Variants in ITSN1 observed in about 807,000 individuals in gnomAD.
The protein encoded by ITSN1 is intersectin 1.
Under a neutral mutation model 239.8 loss-of-function variants are expected in ITSN1, and 58 were observed. The ratio of observed to expected loss-of-function variants is 0.24; its 90% CI spans 0.20 to 0.30. ITSN1 has a LOEUF of 0.30. ITSN1 is among the 10% of genes least tolerant of loss of function. The pLI is 1.00. For missense variants in ITSN1, 1,558 were observed against 2,103.3 expected, an observed-to-expected ratio of 0.74 and a Z score of 5.07; for synonymous variants, 780 against 770.8, an observed-to-expected ratio of 1.01 and a Z score of -0.20.
chr21:33,848,838 CT>C (rs978592660), intron 29 of ITSN1, among the ~76,000 whole-genome samples: 3 of 152,252 alleles, frequency 2.0e-5, no homozygotes, highest in African/African-American at 7.2e-5. Flanking sequence ...TCACCGCTGC[CT>C]GCCCCCTCAC....
intron 12 of ITSN1, 122 bp from the exon 13 acceptor site, chr21:33,774,607 T>C (rs955048280): frequency 4.5e-6 from 4 of 880,976 alleles, no homozygotes; most frequent in Non-Finnish European, 6.9e-6. Flanking sequence ...CTAATGTGAT[T>C]TCTTGTAATG....
chr21:33,856,915 AG>A, intron 30 of ITSN1, 58 bp downstream of exon 30: 7 of 1,532,802 alleles, frequency 4.6e-6, no homozygotes, highest in Non-Finnish European at 5.4e-6. Flanking sequence ...GGGAGAGGGG[AG>A]GGTTCCGTCA....
At chr21:33,838,591 C>T (rs530254181) in intron 29 of ITSN1, 10 of 309,932 alleles carry the variant, frequency 3.2e-5, no homozygotes, top group Middle Eastern at 1.7e-3. Flanking sequence ...CTGCTGCCCA[C>T]GTGTCAACCA....
At chr21:33,773,000 CTTTTTTTT>C (rs768551303) in intron 12 of ITSN1, among the ~76,000 whole-genome samples, 5 of 133,062 alleles carry the variant, frequency 3.8e-5, no homozygotes. Context: ...CTGCAATCTT[CTTTTTTTT>C]TTTTTTTTTT....
intron 26 of ITSN1, among the ~76,000 whole-genome samples, chr21:33,828,063 T>A (rs1307529452): frequency 2.0e-5 from 3 of 152,244 alleles, no homozygotes; most frequent in African/African-American, 4.8e-5. Flanking sequence ...TTTCTAAGTT[T>A]TGTACACTTG....
At chr21:33,701,938 G>T (rs2092030370) in intron 1 of ITSN1, among the ~76,000 whole-genome samples, 1 of 151,142 alleles carries the variant, frequency 6.6e-6, no homozygotes, top group African/African-American at 2.4e-5. Flanking sequence ...CGTGGTGGTG[G>T]GTGCCTATAA....
In ITSN1 at chr21:33,829,708, A is replaced by T. The variant is rs554932669; in HGVS notation, c.3314A>T (p.Lys1105Ile). 1 of 1,613,472 alleles carries T rather than the reference A, an allele frequency of 6.2e-7. No individual in the cohort carries two copies. Residue 1105 changes from lysine to isoleucine, a missense_variant, in exon 27 of 40, where the codon AAA (lysine) becomes ATA (isoleucine). By Grantham distance (102) the Lys-to-Ile change is moderately radical. This residue lies in a region of ITSN1 where 576 missense variants were observed against 893.3 expected (regional missense o/e 0.64). Coordinates refer to ENST00000381318, the MANE Select transcript of ITSN1 (RefSeq NM_003024.3). ...LAPGQLILIR[K>I]KNPGGWWEGE... ...CCTGGTCAGCTGATTTTGATCCGAA[A>T]AAAGAACCCAGGTGGATGGTGGGAA...
chr21:33,738,289 G>A (rs1444000137), intron 5 of ITSN1, among the ~76,000 whole-genome samples: 1 of 152,176 alleles, frequency 6.6e-6, no homozygotes, highest in Non-Finnish European at 1.5e-5. Context: ...ACCCTAAAAA[G>A]TATGCAGACT....
chr21:33,845,865 A>G (rs2074973887), intron 29 of ITSN1, among the ~76,000 whole-genome samples: 2 of 152,148 alleles, frequency 1.3e-5, no homozygotes, highest in African/African-American at 4.8e-5. Context: ...GGAAAGGTCC[A>G]TTTTCATCAT....
At chr21:33,707,134 C>T (rs1256120764) in intron 1 of ITSN1, among the ~76,000 whole-genome samples, 1 of 152,158 alleles carries the variant, frequency 6.6e-6, no homozygotes, top group African/African-American at 2.4e-5. Context: ...TGAATTCCAT[C>T]AACATAGATA....
intron 16 of ITSN1, among the ~76,000 whole-genome samples, chr21:33,792,253 A>C (rs977308520): frequency 1.3e-5 from 2 of 152,052 alleles, no homozygotes; most frequent in Non-Finnish European, 2.9e-5. Context: ...CACCCAGGCT[A>C]GAGTGCAGTG....
intron 11 of ITSN1, among the ~76,000 whole-genome samples, 195 bp downstream of exon 11, chr21:33,768,023 A>G (rs755617092): frequency 7.9e-5 from 12 of 152,224 alleles, no homozygotes; most frequent in Non-Finnish European, 1.5e-5. Context: ...TAAGAACATT[A>G]TGCACTCTGC....
At chr21:33,805,088 C>T (rs1322363473) in intron 20 of ITSN1, among the ~76,000 whole-genome samples, 2 of 152,228 alleles carry the variant, frequency 1.3e-5, no homozygotes, top group East Asian at 3.9e-4. Flanking sequence ...GAGAACTCTA[C>T]TGCATATACA....
At chr21:33,887,569 A>T (rs1985986124) in intron 39 of ITSN1, among the ~76,000 whole-genome samples, 1 of 151,818 alleles carries the variant, frequency 6.6e-6, no homozygotes, top group Admixed American at 6.6e-5. Flanking sequence ...TACTATGTGT[A>T]CTGTCAACTT....
At position 33,728,085 on chromosome 21, in the gene ITSN1, A is replaced by AC. The variant is rs1201316540; in HGVS notation, c.185+5436dup. ...GTCTAAGTGATTCTTCTGCATCAGC[A>AC]CCTTGACTAACTGGGATTACAGGTG... On this transcript the variant is annotated intron_variant, in intron 4 of 39. Coordinates refer to ENST00000381318, the MANE Select transcript of ITSN1 (RefSeq NM_003024.3). Among the ~76,000 whole-genome samples, 17 of 150,032 alleles carry AC rather than the reference A, an allele frequency of 1.1e-4. No individual in the cohort carries two copies. In the Admixed American group the frequency reaches 1.1e-3, roughly 10 times the overall value.
intron 34 of ITSN1, among the ~76,000 whole-genome samples, chr21:33,876,723 C>T (rs937753615): frequency 2.6e-5 from 4 of 152,064 alleles, no homozygotes; most frequent in Non-Finnish European, 5.9e-5. Context: ...GAGACCCTGT[C>T]TATACAAAAA....
At chr21:33,703,667 C>T (rs781402678) in intron 1 of ITSN1, among the ~76,000 whole-genome samples, 1 of 152,126 alleles carries the variant, frequency 6.6e-6, no homozygotes, top group Non-Finnish European at 1.5e-5. Context: ...AATATAAATA[C>T]CAAGCTGTTG....
At position 33,888,526 on chromosome 21, in the gene ITSN1, A is replaced by G. The variant is rs1391868280; in HGVS notation, c.*226A>G. On this transcript the variant is annotated 3_prime_UTR_variant, in exon 40 of 40. Transcript: ENST00000381318. The stretch of plus-strand genomic sequence containing the variant: ...CAAAGCTGTGTTTTCCTTTGTCCTC[A>G]CTACAGGTCTCATTATGGCTTCTAG... 1 of 503,258 alleles carries G rather than the reference A, an allele frequency of 2.0e-6. No homozygotes were observed. The highest frequency in any genetic ancestry group is 3.5e-6 in the Non-Finnish European group (1 of 284,058). 31.2% of individuals were successfully genotyped at this position (503,258 alleles called of 1,614,324 possible). A position where few individuals can be genotyped will look rare whatever the true frequency, so the allele number is the denominator to read the frequency against.
At chr21:33,833,151 ACC>A (rs1202284011) in intron 27 of ITSN1, among the ~76,000 whole-genome samples, 1 of 148,854 alleles carries the variant, frequency 6.7e-6, no homozygotes, top group Non-Finnish European at 1.5e-5. Flanking sequence ...TAACTGCAAA[ACC>A]CGCCTCACCA....
Sources: allele counts gnomAD v4.1 joint callset (sites outside exome capture counted in the v4.1 genomes callset), GRCh38; gene constraint gnomAD v4.1.1; regional missense constraint gnomAD v4.1.1; transcripts MANE v1.5; gene names NCBI Gene and HGNC (gene_info 2026-07-23, HGNC 2026-07-21).